The following COL25A1 variants were observed in gnomAD, a reference collection of about 807,000 sequenced individuals.
COL25A1 encodes collagen type XXV alpha 1 chain.
COL25A1 carries 103 observed loss-of-function variants against 128.4 expected under a neutral mutation model. The observed-to-expected ratio is 0.80, with a 90% CI of 0.68 to 0.94. The LOEUF (loss-of-function observed/expected upper bound fraction) is 0.94. COL25A1 is among the 40% of genes least tolerant of loss of function. COL25A1 has a pLI of 0.00. For missense variants in COL25A1, 745 were observed against 840.0 expected (o/e 0.89, Z 1.40); for synonymous variants, 279 against 277.2 (o/e 1.01, Z -0.06).
chr4:109,288,960 TATACACAC>T lies in COL25A1; in HGVS notation c.367+11615_367+11622del, dbSNP rs1386720036. Among the ~76,000 whole-genome samples the T allele has an allele frequency of 5.2e-3, 514 of 98,314 alleles. 1 individual carries two copies. Among genetic ancestry groups the T allele is most frequent in the East Asian group, 0.023 (88 of 3,870 alleles). 64.5% of individuals were successfully genotyped at this position (98,314 alleles called of 152,430 possible). On this transcript the variant is annotated intron_variant, in intron 3 of 37. Transcript: ENST00000399132. ...TTACTACCAGGAATACTAAATTATA[TATACACAC>T]ACACACACACACACACACACACACA...
chr4:109,023,337 A>G (rs563720668), intron 5 of COL25A1, among the ~76,000 whole-genome samples: 3 of 152,334 alleles, frequency 2.0e-5, no homozygotes, highest in South Asian at 4.1e-4. Flanking sequence ...CATCACCACA[A>G]CAAGGGAAGA....
At chr4:109,001,372 C>CAGTCATCTGAGATCCTGTCAGGT (rs1755346612) in intron 6 of COL25A1, among the ~76,000 whole-genome samples, 1 of 24,146 alleles carries the variant, frequency 4.1e-5, no homozygotes. Context: ...TTAAAAGAAA[C>CAGTCATCTGAGATCCTGTCAGGT]AGGCATCTGA....
chr4:109,138,419 C>T (rs943906124), intron 3 of COL25A1, among the ~76,000 whole-genome samples: 3 of 152,178 alleles, frequency 2.0e-5, no homozygotes, highest in African/African-American at 7.2e-5. Context: ...CAAGTCTTTG[C>T]TATTGTGAAT....
At chr4:109,192,448 C>T (rs1775695333) in intron 3 of COL25A1, among the ~76,000 whole-genome samples, 1 of 151,590 alleles carries the variant, frequency 6.6e-6, no homozygotes, top group Non-Finnish European at 1.5e-5. Context: ...AGTTCTAACC[C>T]TCAGTACCTC....
chr4:109,201,886 C>T (rs1363342243), intron 3 of COL25A1, among the ~76,000 whole-genome samples: 2 of 152,058 alleles, frequency 1.3e-5, no homozygotes, highest in African/African-American at 2.4e-5. Context: ...ACTTATGTTA[C>T]CACAAATTTA....
chr4:109,300,317 A>T (rs1335555253), intron 3 of COL25A1, among the ~76,000 whole-genome samples: 6 of 152,170 alleles, frequency 3.9e-5, no homozygotes, highest in Admixed American at 1.3e-4. Context: ...TGAATCTAAG[A>T]AGTTTGTCCT....
chr4:109,075,042 G>A (rs1763271650), intron 3 of COL25A1, among the ~76,000 whole-genome samples: 1 of 152,080 alleles, frequency 6.6e-6, no homozygotes, highest in Non-Finnish European at 1.5e-5. Context: ...CACCAAAATA[G>A]GTTATTAAGT....
At chr4:108,967,927 T>C (rs1426056051) in intron 8 of COL25A1, among the ~76,000 whole-genome samples, 2 of 152,064 alleles carry the variant, frequency 1.3e-5, no homozygotes, top group African/African-American at 4.8e-5. Flanking sequence ...ATAAAGAGAA[T>C]CAATTATCTC....
Position 108,889,633 on chromosome 4 carries a change from A to G in COL25A1, c.939+68T>C, listed in dbSNP as rs1342038525. On this transcript the variant is annotated intron_variant, in intron 17 of 37. Transcript: ENST00000399132. The stretch of plus-strand genomic sequence containing the variant: ...CATCAAAGTTGCTAAAAAGGGAGAG[A>G]AAGTAGAGGCCTATAAAAATCAGAA... 2.9e-6 allele frequency: 4 copies of G among 1,375,320 alleles called. No homozygotes were observed. In the Admixed American group the frequency reaches 5.4e-5, roughly 19 times the overall value. The allele number at this position is 1,375,320 out of a possible 1,614,324, so 85.2% of individuals were successfully genotyped here.
intron 3 of COL25A1, among the ~76,000 whole-genome samples, chr4:109,217,659 G>T (rs762148640): frequency 6.6e-6 from 1 of 152,106 alleles, no homozygotes; most frequent in Non-Finnish European, 1.5e-5. Flanking sequence ...ACAACCTCCC[G>T]AGGATACCAT....
chr4:109,251,722 T>C (rs1375347303), intron 3 of COL25A1, among the ~76,000 whole-genome samples: 1 of 152,246 alleles, frequency 6.6e-6, no homozygotes, highest in Non-Finnish European at 1.5e-5. Flanking sequence ...CATAAGGTCA[T>C]GGGAACAGGA....
At chr4:108,871,605 C>T (rs573592790) in intron 19 of COL25A1, among the ~76,000 whole-genome samples, 1 of 152,262 alleles carries the variant, frequency 6.6e-6, no homozygotes, top group African/African-American at 2.4e-5. Context: ...CGTGAGCCAC[C>T]GCACCGGGCC....
chr4:108,956,004 C>T (rs1008040845), intron 8 of COL25A1, among the ~76,000 whole-genome samples: 5 of 152,094 alleles, frequency 3.3e-5, no homozygotes, highest in East Asian at 1.9e-4. Flanking sequence ...TTCAACCATT[C>T]GTATCATTTT....
intron 24 of COL25A1, among the ~76,000 whole-genome samples, chr4:108,856,056 T>C (rs968574266): frequency 6.6e-6 from 1 of 152,186 alleles, no homozygotes; most frequent in African/African-American, 2.4e-5. Context: ...AAACTGCAAA[T>C]TGGGTAAAGC....
At chr4:109,099,629 A>AAT (rs1560690978) in intron 3 of COL25A1, among the ~76,000 whole-genome samples, 1 of 151,546 alleles carries the variant, frequency 6.6e-6, no homozygotes, top group African/African-American at 2.4e-5. Context: ...TATAAAAAAA[A>AAT]AAAGAAAAAT....
At chr4:109,262,424 G>C (rs901605550) in intron 3 of COL25A1, among the ~76,000 whole-genome samples, 1 of 152,084 alleles carries the variant, frequency 6.6e-6, no homozygotes, top group African/African-American at 2.4e-5. Flanking sequence ...TGAGGCAGGA[G>C]AATCACTTGA....
chr4:109,058,579 T>G (rs1278422446), intron 3 of COL25A1, among the ~76,000 whole-genome samples: 1 of 152,192 alleles, frequency 6.6e-6, no homozygotes, highest in Non-Finnish European at 1.5e-5. Flanking sequence ...TTTTCAAATA[T>G]TCAATAAATA....
intron 3 of COL25A1, among the ~76,000 whole-genome samples, chr4:109,069,136 T>G (rs1477260240): frequency 6.6e-6 from 1 of 151,918 alleles, no homozygotes; most frequent in Non-Finnish European, 1.5e-5. Context: ...TTAAAAATTT[T>G]TTTTTGGCTG....
chr4:108,873,809 G>C (rs1357953137), intron 19 of COL25A1, among the ~76,000 whole-genome samples: 2 of 152,170 alleles, frequency 1.3e-5, no homozygotes, highest in African/African-American at 2.4e-5. Context: ...AAACACATCA[G>C]AACGGTGTAA....
Sources: allele counts gnomAD v4.1 joint callset (sites outside exome capture counted in the v4.1 genomes callset), GRCh38; gene constraint gnomAD v4.1.1; transcripts MANE v1.5; gene names NCBI Gene and HGNC (gene_info 2026-07-23, HGNC 2026-07-21).